The following ADGRL3 variants were observed in gnomAD, a reference collection of about 807,000 sequenced individuals.
ADGRL3 encodes calcium-independent alpha-latrotoxin receptor 3.
ADGRL3 carries 62 observed loss-of-function variants against 153.5 expected under a neutral mutation model. That is an observed-to-expected ratio of 0.40 (90% CI 0.33 to 0.50). ADGRL3 has a LOEUF of 0.50. ADGRL3 is among the 20% of genes least tolerant of loss of function. ADGRL3 has a pLI of 0.47. For synonymous variants in ADGRL3, 710 were observed against 672.5 expected (o/e 1.06, Z -0.86); for missense variants, 1,641 against 1,859.4 (o/e 0.88, Z 2.16).
chr4:61,891,884 G>C (rs897727169), intron 9 of ADGRL3, among the ~76,000 whole-genome samples: 7 of 152,114 alleles, frequency 4.6e-5, no homozygotes, highest in Admixed American at 4.6e-4. Flanking sequence ...TCCATAGTAT[G>C]CCTATTCCTT....
intron 5 of ADGRL3, among the ~76,000 whole-genome samples, chr4:61,596,715 G>A (rs2098990610): frequency 6.6e-6 from 1 of 152,056 alleles, no homozygotes. Context: ...ATAAGTAGCT[G>A]GATGTGGTGT....
intron 9 of ADGRL3, among the ~76,000 whole-genome samples, chr4:61,875,220 TAA>T (rs758541411): frequency 2.0e-5 from 3 of 152,200 alleles, no homozygotes; most frequent in African/African-American, 4.8e-5. Context: ...TTTCTCTATG[TAA>T]AAGACTTTCC....
At chr4:61,277,049 C>A (rs1298138709) in intron 1 of ADGRL3, among the ~76,000 whole-genome samples, 4 of 152,060 alleles carry the variant, frequency 2.6e-5, no homozygotes, top group Non-Finnish European at 4.4e-5. Flanking sequence ...AAAGATAAGT[C>A]TGAATTTTAG....
At chr4:61,911,445 T>C (rs2098721351) in intron 12 of ADGRL3, among the ~76,000 whole-genome samples, 1 of 152,190 alleles carries the variant, frequency 6.6e-6, no homozygotes. Context: ...TGTCATATGT[T>C]AATTTGCATG....
chr4:61,895,674 A>G (rs1270192733), intron 10 of ADGRL3, 57 bp from the exon 11 acceptor site: 7 of 851,638 alleles, frequency 8.2e-6, no homozygotes, highest in African/African-American at 1.7e-5. Flanking sequence ...AAAATATACC[A>G]TGGATGTGAA....
chr4:61,612,767 A>G (rs750382182), intron 5 of ADGRL3, among the ~76,000 whole-genome samples: 14 of 152,054 alleles, frequency 9.2e-5, no homozygotes, highest in Non-Finnish European at 1.6e-4. Flanking sequence ...TACTCTGAAC[A>G]CCCTTAATTA....
intron 1 of ADGRL3, among the ~76,000 whole-genome samples, chr4:61,290,736 G>A (rs904713374): frequency 2.0e-5 from 3 of 151,168 alleles, no homozygotes; most frequent in African/African-American, 7.3e-5. Flanking sequence ...GGGAAAGGAA[G>A]GAAAGGAAGA....
chr4:61,222,620 G>A (rs1261486948), intron 1 of ADGRL3, among the ~76,000 whole-genome samples: 1 of 152,104 alleles, frequency 6.6e-6, no homozygotes, highest in Non-Finnish European at 1.5e-5. Context: ...AAGCTCCATT[G>A]GAAATGCCAG....
At chr4:61,742,917 A>G (rs1048322287) in intron 8 of ADGRL3, among the ~76,000 whole-genome samples, 3 of 152,154 alleles carry the variant, frequency 2.0e-5, no homozygotes, top group African/African-American at 7.2e-5. Flanking sequence ...TTTTGCATCT[A>G]TTTATACTAG....
chr4:61,624,730 T>G (rs2092729694), intron 5 of ADGRL3, among the ~76,000 whole-genome samples: 1 of 152,202 alleles, frequency 6.6e-6, no homozygotes, highest in Non-Finnish European at 1.5e-5. Flanking sequence ...TTATGCCAGA[T>G]ATTCTACCTA....
intron 5 of ADGRL3, among the ~76,000 whole-genome samples, chr4:61,654,713 A>T (rs1434555496): frequency 6.6e-6 from 1 of 152,080 alleles, no homozygotes; most frequent in Non-Finnish European, 1.5e-5. Context: ...CCCAGCCAAG[A>T]TGGTGAAACC....
At chr4:61,431,662 A>G (rs1309009597) in intron 2 of ADGRL3, among the ~76,000 whole-genome samples, 2 of 152,234 alleles carry the variant, frequency 1.3e-5, no homozygotes, top group Non-Finnish European at 2.9e-5. Context: ...AATTATTGGG[A>G]TAGAAGGAAA....
At chr4:61,663,640 C>T (rs1262096499) in intron 5 of ADGRL3, among the ~76,000 whole-genome samples, 1 of 152,212 alleles carries the variant, frequency 6.6e-6, no homozygotes, top group African/African-American at 2.4e-5. Flanking sequence ...GAGCAAAACT[C>T]AGGCAAACAT....
intron 17 of ADGRL3, among the ~76,000 whole-genome samples, chr4:61,949,181 A>G (rs557218085): frequency 4.2e-4 from 64 of 152,134 alleles, no homozygotes; most frequent in Non-Finnish European, 8.5e-4. Context: ...TGAGAATGCA[A>G]ATATCTTGCT....
intron 15 of ADGRL3, among the ~76,000 whole-genome samples, chr4:61,936,492 T>G (rs1331754386): frequency 6.6e-6 from 1 of 152,102 alleles, no homozygotes; most frequent in African/African-American, 2.4e-5. Context: ...TACAAACATT[T>G]AAATGTAAGG....
At chr4:61,247,324 T>G (rs1301011476) in intron 1 of ADGRL3, among the ~76,000 whole-genome samples, 2 of 152,100 alleles carry the variant, frequency 1.3e-5, no homozygotes, top group African/African-American at 2.4e-5. Flanking sequence ...ACCCTGCCTG[T>G]GTATGTTCTC....
intron 8 of ADGRL3, among the ~76,000 whole-genome samples, chr4:61,763,533 A>G (rs1243516180): frequency 6.6e-6 from 1 of 152,154 alleles, no homozygotes; most frequent in Non-Finnish European, 1.5e-5. Context: ...GCTGAGTGGC[A>G]CATTTACGAA....
chr4:61,701,430 A>ATTTTTTT (rs71664995), intron 6 of ADGRL3, among the ~76,000 whole-genome samples: 8 of 105,412 alleles, frequency 7.6e-5, no homozygotes, highest in African/African-American at 2.3e-4. Context: ...TAAAGGTACA[A>ATTTTTTT]TTTTTTTTTT....
chr4:61,513,496 T>C (rs568778681), intron 3 of ADGRL3, among the ~76,000 whole-genome samples: 1 of 152,304 alleles, frequency 6.6e-6, no homozygotes, highest in South Asian at 2.1e-4. Flanking sequence ...TGGCTTTTGA[T>C]ATTTAAGAGA....
Sources: gnomAD v4.1 joint callset for allele counts (sites outside exome capture counted in the v4.1 genomes callset) on GRCh38, gnomAD v4.1.1 for gene constraint, MANE v1.5 for transcripts, NCBI Gene and HGNC (gene_info 2026-07-23, HGNC 2026-07-21) for gene names.